The following UGT8 variants were observed in gnomAD, a reference collection of about 807,000 sequenced individuals.
UGT8 encodes the protein UDP glycosyltransferase 8.
In UGT8, 12 loss-of-function variants were observed where a neutral mutation model predicts 40.5. The observed-to-expected ratio is 0.30, with a 90% CI of 0.19 to 0.48. The LOEUF is 0.48. Among genes scored for constraint, UGT8 ranks in the 20% least tolerant of loss-of-function variants. The probability of loss-of-function intolerance (pLI) is 0.99; values close to 1 mark genes in which losing one functional copy is unlikely to be tolerated. For missense variants in UGT8, 513 were observed against 648.7 expected, an observed-to-expected ratio of 0.79 and a Z score of 2.27; for synonymous variants, 224 against 240.4, an observed-to-expected ratio of 0.93 and a Z score of 0.63.
intron 2 of UGT8, among the ~76,000 whole-genome samples, chr4:114,650,892 C>T (rs1560696687): frequency 6.6e-6 from 1 of 151,750 alleles, no homozygotes; most frequent in Non-Finnish European, 1.5e-5. Flanking sequence ...TTCTATCCTG[C>T]AACACCTTTT....
At chr4:114,641,500 G>A (rs1442459988) in intron 2 of UGT8, among the ~76,000 whole-genome samples, 1 of 152,154 alleles carries the variant, frequency 6.6e-6, no homozygotes, top group African/African-American at 2.4e-5. Context: ...TAATACGTTA[G>A]TTTTTTAAAA....
chr4:114,674,188 C>T (rs1735474454), intron 5 of UGT8, among the ~76,000 whole-genome samples: 1 of 152,132 alleles, frequency 6.6e-6, no homozygotes, highest in Admixed American at 6.6e-5. Context: ...ATAGCTCCAT[C>T]CTCACATTTC....
intron 1 of UGT8, among the ~76,000 whole-genome samples, chr4:114,600,854 T>C (rs1401232874): frequency 6.6e-6 from 1 of 152,220 alleles, no homozygotes; most frequent in Non-Finnish European, 1.5e-5. Context: ...GTTCAGCAAC[T>C]CTTCTAGATA....
rs1341798836 is a variant in UGT8 at position 114,678,009 on chromosome 4, T to C, written c.*1721T>C. On this transcript the variant is annotated 3_prime_UTR_variant, in exon 6 of 6. Coordinates refer to ENST00000310836, the MANE Select transcript of UGT8 (RefSeq NM_001128174.3). Reference sequence around the variant, plus strand: ...TACATACATAGAAACTTATTAGTTATACCTTTTCACAATCTTATTACGATG... The same window carrying C: ...TACATACATAGAAACTTATTAGTTACACCTTTTCACAATCTTATTACGATG... The C allele has an allele frequency of 1.3e-5, 2 of 152,226 alleles. No individual in the cohort carries two copies. The allele number at this position is 152,226 out of a possible 1,614,324, so 9.4% of individuals were successfully genotyped here.
At chr4:114,641,699 A>C (rs1008731301) in intron 2 of UGT8, among the ~76,000 whole-genome samples, 5 of 152,248 alleles carry the variant, frequency 3.3e-5, no homozygotes, top group Admixed American at 6.5e-5. Flanking sequence ...AAACCACTGT[A>C]GTAAACTGGA....
At chr4:114,669,588 G>T (rs193290389) in intron 5 of UGT8, among the ~76,000 whole-genome samples, 1 of 152,256 alleles carries the variant, frequency 6.6e-6, no homozygotes, top group Admixed American at 6.5e-5. Context: ...TTATTCACAG[G>T]AAGTTAGTCC....
chr4:114,639,271 T>A (rs79784524), intron 2 of UGT8, among the ~76,000 whole-genome samples: 2 of 152,188 alleles, frequency 1.3e-5, no homozygotes, highest in Non-Finnish European at 2.9e-5. Flanking sequence ...TCAGCAAATA[T>A]ATATTCAGTA....
At chr4:114,611,135 A>C (rs554109350) in intron 1 of UGT8, among the ~76,000 whole-genome samples, 1 of 152,210 alleles carries the variant, frequency 6.6e-6, no homozygotes, top group South Asian at 2.1e-4. Flanking sequence ...AAACATTTTA[A>C]AATGTCAATC....
chr4:114,631,923 T>C (rs932944592), intron 2 of UGT8, among the ~76,000 whole-genome samples: 1 of 152,190 alleles, frequency 6.6e-6, no homozygotes, highest in African/African-American at 2.4e-5. Flanking sequence ...GAACAGCTCA[T>C]TACCTTACAG....
intron 2 of UGT8, among the ~76,000 whole-genome samples, chr4:114,625,297 G>T (rs1732130184): frequency 6.6e-6 from 1 of 152,044 alleles, no homozygotes; most frequent in Non-Finnish European, 1.5e-5. Flanking sequence ...AGGATCACTT[G>T]AGTCCAGGAG....
intron 2 of UGT8, among the ~76,000 whole-genome samples, chr4:114,655,888 C>T (rs1734157047): frequency 6.6e-6 from 1 of 152,082 alleles, no homozygotes; most frequent in African/African-American, 2.4e-5. Flanking sequence ...TAGGCTCCTT[C>T]TTGAACACTT....
intron 2 of UGT8, among the ~76,000 whole-genome samples, chr4:114,654,381 C>G (rs1734052704): frequency 6.6e-6 from 1 of 151,982 alleles, no homozygotes; most frequent in African/African-American, 2.4e-5. Context: ...AATGAAGATG[C>G]ATTAGAGACA....
chr4:114,622,403 C>T (rs200683249), intron 1 of UGT8: 9,231 of 151,822 alleles, frequency 0.061, 360 homozygotes, highest in East Asian at 0.14. Context: ...TGAATAGTGC[C>T]GCAATAAACA....
At chr4:114,658,854 A>G (rs1478636239) in intron 2 of UGT8, among the ~76,000 whole-genome samples, 1 of 152,164 alleles carries the variant, frequency 6.6e-6, no homozygotes, top group East Asian at 1.9e-4. Flanking sequence ...GACATCCCTA[A>G]TATCAAAACA....
At chr4:114,657,007 G>A (rs1227557978) in intron 2 of UGT8, among the ~76,000 whole-genome samples, 1 of 152,096 alleles carries the variant, frequency 6.6e-6, no homozygotes, top group Non-Finnish European at 1.5e-5. Flanking sequence ...CCAGAAATTA[G>A]GTGGGTTTCC....
intron 2 of UGT8, among the ~76,000 whole-genome samples, chr4:114,653,111 A>G (rs2126123846): frequency 6.6e-6 from 1 of 152,194 alleles, no homozygotes; most frequent in East Asian, 1.9e-4. Flanking sequence ...GAAATAGATT[A>G]TGAAAAGTGG....
chr4:114,655,066 G>GTT (rs751913600), intron 2 of UGT8, among the ~76,000 whole-genome samples: 15 of 138,448 alleles, frequency 1.1e-4, no homozygotes, highest in African/African-American at 3.7e-4. Context: ...TTTGTTTTTT[G>GTT]TTTTTTTTTT....
At chr4:114,637,494 C>G (rs1210212707) in intron 2 of UGT8, among the ~76,000 whole-genome samples, 1 of 152,094 alleles carries the variant, frequency 6.6e-6, no homozygotes, top group South Asian at 2.1e-4. Flanking sequence ...TTTAAGAGAA[C>G]ATTTAATGGA....
rs371524251 is a variant in UGT8, at chr4:114,622,758, G to C, written c.-2-121G>C. ...CTTCTTTTGAGAAGTGTCTGTTCATGATTTTTTTTTTAGACAAAGTATTAG... is the reference window on the plus strand; with the variant it reads ...CTTCTTTTGAGAAGTGTCTGTTCATCATTTTTTTTTTAGACAAAGTATTAG... On this transcript the variant is annotated intron_variant, in intron 1 of 5. Coordinates refer to ENST00000310836, the MANE Select transcript of UGT8 (RefSeq NM_001128174.3). 3 of 629,402 alleles carry C rather than the reference G, an allele frequency of 4.8e-6. No individual in the cohort carries two copies. The African/African-American group carries it at 9.8e-5, about 21-fold the overall frequency. 39.0% of individuals were successfully genotyped at this position (629,402 alleles called of 1,614,324 possible). A position where few individuals can be genotyped will look rare whatever the true frequency, so the allele number is the denominator to read the frequency against.
Sources: allele counts gnomAD v4.1 joint callset (sites outside exome capture counted in the v4.1 genomes callset), GRCh38; gene constraint gnomAD v4.1.1; transcripts MANE v1.5; gene names NCBI Gene and HGNC (gene_info 2026-07-23, HGNC 2026-07-21).